Variants in TNS3 observed in about 807,000 individuals in gnomAD.
The protein encoded by TNS3 is tensin-3.
In TNS3, 45 loss-of-function variants were observed where a neutral mutation model predicts 140.9. The ratio of observed to expected loss-of-function variants is 0.32; its 90% CI spans 0.25 to 0.41. TNS3 has a LOEUF of 0.41. Among genes scored for constraint, TNS3 ranks in the 10% least tolerant of loss-of-function variants. TNS3 has a pLI of 1.00. For synonymous variants in TNS3, 815 were observed against 788.4 expected, an observed-to-expected ratio of 1.03 and a Z score of -0.56; for missense variants, 1,716 against 1,906.7, an observed-to-expected ratio of 0.90 and a Z score of 1.86.
intron 13 of TNS3, 105 bp from the exon 14 acceptor site, chr7:47,401,019 G>A: frequency 6.6e-7 from 1 of 1,510,486 alleles, no homozygotes; most frequent in South Asian, 1.2e-5. Flanking sequence ...CCTCCCCTCT[G>A]GACTCTGGCT....
rs976906041 is a variant in TNS3 at position 47,389,330 on chromosome 7, G to A, written c.1024+7470C>T. Among the ~76,000 whole-genome samples, 6 of 152,130 alleles carry A rather than the reference G, an allele frequency of 3.9e-5. 1 individual carries two copies. Among genetic ancestry groups the A allele is most frequent in the Middle Eastern group, 3.2e-3 (1 of 316 alleles). On this transcript the variant is annotated intron_variant, in intron 16 of 30. Coordinates refer to ENST00000311160, the MANE Select transcript of TNS3 (RefSeq NM_022748.12). ...GTACCCTTCCTCCCAGGAAGCAGAG[G>A]AGGCCCAAGGTTTGTGTGCCGACTG...
intron 4 of TNS3, among the ~76,000 whole-genome samples, chr7:47,460,816 G>A (rs571927433): frequency 1.2e-3 from 181 of 152,286 alleles, no homozygotes; most frequent in African/African-American, 3.9e-3. Flanking sequence ...CCAAAATATT[G>A]AAGGAGGAGG....
In TNS3 at chr7:47,389,109, C is replaced by CAGAAGCAGAAGAAGAAGAAGAAGA. The variant is rs1195199187; in HGVS notation, c.1024+7690_1024+7691insTCTTCTTCTTCTTCTTCTGCTTCT. ...GAGGAAGAGGAAGAGGAAGCGGAAG[C>CAGAAGCAGAAGAAGAAGAAGAAGA]AGAAGAAGAAGAAGAAGAAGAAGAA... On this transcript the variant is annotated intron_variant, in intron 16 of 30. Coordinates refer to ENST00000311160, the MANE Select transcript of TNS3 (RefSeq NM_022748.12). Among the ~76,000 whole-genome samples the CAGAAGCAGAAGAAGAAGAAGAAGA allele has an allele frequency of 2.1e-3, 126 of 59,136 alleles. 29 individuals are homozygous for CAGAAGCAGAAGAAGAAGAAGAAGA. The highest frequency in any genetic ancestry group is 7.2e-3 in the African/African-American group (106 of 14,770). 38.8% of individuals were successfully genotyped at this position (59,136 alleles called of 152,430 possible). A position where few individuals can be genotyped will look rare whatever the true frequency, so the allele number is the denominator to read the frequency against.
chr7:47,522,264 C>T (rs139797818), intron 2 of TNS3, among the ~76,000 whole-genome samples: 13 of 152,322 alleles, frequency 8.5e-5, no homozygotes, highest in African/African-American at 2.6e-4. Flanking sequence ...GGGCTCTCGA[C>T]GGGTGACATT....
At chr7:47,322,143 T>C (rs913256453) in intron 20 of TNS3, among the ~76,000 whole-genome samples, 2 of 131,800 alleles carry the variant, frequency 1.5e-5, no homozygotes, top group Admixed American at 9.6e-5. Context: ...CCTTGACCTA[T>C]AGAAGGAAGC....
rs1393107840 is a variant in TNS3 at position 47,275,340 on chromosome 7, A to T, written c.*2736T>A. On this transcript the variant is annotated 3_prime_UTR_variant, in exon 31 of 31. Coordinates refer to ENST00000311160, the MANE Select transcript of TNS3 (RefSeq NM_022748.12). ...TTACAAGGTATTTGATGCTGAGAAT[A>T]AATGCACAGTGACTTTTAACATGGC... The T allele has an allele frequency of 6.5e-6, 1 of 152,790 alleles. No individual in the cohort carries two copies. The highest frequency in any genetic ancestry group is 2.4e-5 in the African/African-American group (1 of 41,466). 9.5% of individuals were successfully genotyped at this position (152,790 alleles called of 1,614,324 possible).
chr7:47,505,551 G>A (rs1340524288), intron 3 of TNS3, among the ~76,000 whole-genome samples: 2 of 152,202 alleles, frequency 1.3e-5, no homozygotes, highest in East Asian at 1.9e-4. Flanking sequence ...GCAAGGAGGT[G>A]TGGCCAGGTC....
chr7:47,464,197 T>C (rs1434202520), intron 4 of TNS3, among the ~76,000 whole-genome samples: 1 of 152,196 alleles, frequency 6.6e-6, no homozygotes, highest in Non-Finnish European at 1.5e-5. Context: ...TTATGTTCCC[T>C]ACCTGAGGAC....
intron 17 of TNS3, among the ~76,000 whole-genome samples, chr7:47,360,918 C>G (rs1790278097): frequency 6.6e-6 from 1 of 152,066 alleles, no homozygotes; most frequent in Admixed American, 6.5e-5. Context: ...CCCCTGTGTC[C>G]CTAGCACGGA....
intron 13 of TNS3, among the ~76,000 whole-genome samples, chr7:47,408,327 G>A (rs975724463): frequency 7.9e-5 from 12 of 151,998 alleles, no homozygotes; most frequent in Non-Finnish European, 1.6e-4. Context: ...CACCCACACC[G>A]CCCACTCAAA....
At position 47,297,186 on chromosome 7, in the gene TNS3, G is replaced by A. The variant is rs748158865; in HGVS notation, c.3572C>T (p.Pro1191Leu). ...GCTGTCTCGAACAATGAATGAGCCC[G>A]GCTCCTTGTCCTTCAACATGGCGAT... ...QAIAMLKDKE[P>L]GSFIVRDSHS... The change falls in exon 24 of 31, where the codon CCG becomes CTG. Residue 1191 changes from proline to leucine, a missense_variant. Pro to Leu is a moderately conservative substitution (Grantham distance 98, BLOSUM62 -3). This residue lies in a region of TNS3 where 1,163 missense variants were observed against 1,182.1 expected (regional missense o/e 0.98). Transcript: ENST00000311160. The A allele has an allele frequency of 2.0e-5, 32 of 1,612,998 alleles. No individual in the cohort carries two copies. Among genetic ancestry groups the A allele is most frequent in the East Asian group, 4.5e-5 (2 of 44,880 alleles).
At chr7:47,291,838 T>G (rs1785722506) in intron 27 of TNS3, 117 bp downstream of exon 27, 1 of 1,173,712 alleles carries the variant, frequency 8.5e-7, no homozygotes, top group Non-Finnish European at 1.2e-6. Flanking sequence ...GGAAACCTCC[T>G]TCAAGGCTCA....
intron 1 of TNS3, among the ~76,000 whole-genome samples, chr7:47,548,445 T>C (rs1799979501): frequency 6.6e-6 from 1 of 152,164 alleles, no homozygotes; most frequent in African/African-American, 2.4e-5. Context: ...CCCATCTCAC[T>C]GCAACTTTCC....
chr7:47,490,845 G>C (rs1797783892), intron 3 of TNS3, among the ~76,000 whole-genome samples: 1 of 152,214 alleles, frequency 6.6e-6, no homozygotes, highest in South Asian at 2.1e-4. Context: ...GGATTTGTTA[G>C]GCAACAACAG....
chr7:47,473,387 T>C (rs144640097), intron 4 of TNS3, among the ~76,000 whole-genome samples: 226 of 152,290 alleles, frequency 1.5e-3, no homozygotes, highest in Non-Finnish European at 2.4e-3. Context: ...TAGAACTCAA[T>C]TTCACTGTGA....
rs1021535350 is a variant in TNS3 at position 47,303,362 on chromosome 7, G to T, written c.3045C>A (p.Ser1015Arg). Residue 1015 changes from serine (S) to arginine (R), a missense_variant, in exon 22 of 31, where the codon AGC (serine) becomes AGA (arginine). Physicochemically the swap from Ser to Arg is moderately radical, Grantham distance 110 (BLOSUM62 -1). Transcript: ENST00000311160. ...TGCCGAAGCCCAGGAAGGCCTGGCT[G>T]CTGGGAGGCGCCAGGGAGTCCGGTG... Reference protein sequence around the residue: ...AEPPDSLAPPSSQAFLGFGTA... With the variant: ...AEPPDSLAPPRSQAFLGFGTA... 1.2e-6 allele frequency: 2 copies of T among 1,613,518 alleles called. No homozygotes were observed. Among genetic ancestry groups the T allele is most frequent in the Non-Finnish European group, 1.7e-6 (2 of 1,179,898 alleles).
rs758286249 is a variant in TNS3 at position 47,400,909 on chromosome 7, T to C, written c.729A>G (p.Lys243=). Residue 243 remains lysine, a synonymous_variant, in exon 14 of 31, where the codon AAA becomes AAG. Coordinates refer to ENST00000311160, the MANE Select transcript of TNS3 (RefSeq NM_022748.12). ...CCGAGCGGTATTTCTTGTGGTAGCA[T>C]TTCACCTGGGTTAGAGAGACAAAAC... ...AQLLKGDVMV[K]CYHKKYRSAT... is the part of the protein sequence containing the mutation. 2 of 1,614,178 alleles carry C rather than the reference T, an allele frequency of 1.2e-6. No homozygotes were observed. The highest frequency in any genetic ancestry group is 3.3e-5 in the Admixed American group (2 of 60,028).
intron 4 of TNS3, among the ~76,000 whole-genome samples, chr7:47,463,656 C>G (rs1216908642): frequency 6.6e-6 from 1 of 152,110 alleles, no homozygotes; most frequent in Non-Finnish European, 1.5e-5. Context: ...AAATGTGGCA[C>G]TAAATAGACT....
At chr7:47,546,559 T>C (rs557860709) in intron 1 of TNS3, among the ~76,000 whole-genome samples, 1 of 152,334 alleles carries the variant, frequency 6.6e-6, no homozygotes, top group South Asian at 2.1e-4. Flanking sequence ...AAAGGTTCGA[T>C]GTATTGCTCT....
Sources: allele counts gnomAD v4.1 joint callset (sites outside exome capture counted in the v4.1 genomes callset), GRCh38; gene constraint gnomAD v4.1.1; regional missense constraint gnomAD v4.1.1; transcripts MANE v1.5; gene names NCBI Gene and HGNC (gene_info 2026-07-23, HGNC 2026-07-21).